NR2C2: variants seen among roughly 807,000 people sequenced by gnomAD.
NR2C2 encodes nuclear receptor subfamily 2 group C member 2.
In NR2C2, 6 loss-of-function variants were observed where a neutral mutation model predicts 62.9. The ratio of observed to expected loss-of-function variants is 0.10; its 90% CI spans 0.05 to 0.19. NR2C2 has a LOEUF of 0.19. NR2C2 is among the 10% of genes least tolerant of loss of function. NR2C2 has a pLI of 1.00. For synonymous variants in NR2C2, 272 were observed against 273.8 expected (o/e 0.99, Z 0.07); for missense variants, 479 against 762.7 (o/e 0.63, Z 4.38).
At chr3:14,974,292 G>A (rs2040138580) in intron 1 of NR2C2, among the ~76,000 whole-genome samples, 1 of 152,162 alleles carries the variant, frequency 6.6e-6, no homozygotes, top group South Asian at 2.1e-4. Context: ...GATTACTGTA[G>A]CTTTGTAGTA....
chr3:14,999,583 T>C (rs2040929617), intron 1 of NR2C2, among the ~76,000 whole-genome samples: 1 of 152,250 alleles, frequency 6.6e-6, no homozygotes, highest in Non-Finnish European at 1.5e-5. Context: ...AACAATCACC[T>C]AATTCAAGTT....
At chr3:14,975,615 C>A (rs566491286) in intron 1 of NR2C2, among the ~76,000 whole-genome samples, 1 of 152,204 alleles carries the variant, frequency 6.6e-6, no homozygotes, top group South Asian at 2.1e-4. Context: ...ATTCAGTTTG[C>A]TAGTATTTTG....
intron 2 of NR2C2, among the ~76,000 whole-genome samples, chr3:15,004,794 G>C (rs2041120738): frequency 6.6e-6 from 1 of 152,134 alleles, no homozygotes; most frequent in South Asian, 2.1e-4. Context: ...GTTGTTAGTT[G>C]CATATATGTT....
rs931556860 is a variant in NR2C2, at chr3:15,045,789, C to G, written c.*2781C>G. ...AACTTTGGGTTTCATGAAGTGAGAC[C>G]TGTCCTCTGGCTACTGAACTCCATG... On this transcript the variant is annotated 3_prime_UTR_variant, in exon 14 of 14. Transcript: ENST00000425241. 3.9e-5 allele frequency: 6 copies of G among 152,598 alleles called. No individual in the cohort carries two copies. The highest frequency in any genetic ancestry group is 7.3e-5 in the Non-Finnish European group (5 of 68,046). 9.5% of individuals were successfully genotyped at this position (152,598 alleles called of 1,614,324 possible).
chr3:15,000,736 C>T (rs970347289), intron 1 of NR2C2, among the ~76,000 whole-genome samples: 1 of 151,362 alleles, frequency 6.6e-6, no homozygotes, highest in African/African-American at 2.4e-5. Flanking sequence ...ATAGGGATTA[C>T]ATTGAATCTT....
rs1169928228 is a variant in NR2C2 at position 15,049,220 on chromosome 3, T to TTAATACTACTACC, written c.*6216_*6228dup. 16 of 152,702 alleles carry TTAATACTACTACC rather than the reference T, an allele frequency of 1.0e-4. No homozygotes were observed. The highest frequency in any genetic ancestry group is 1.4e-4 in the African/African-American group (6 of 41,470). 9.5% of individuals were successfully genotyped at this position (152,702 alleles called of 1,614,324 possible). ...TTCAATGTGGCATTATTGTTGTGGC[T>TTAATACTACTACC]TAATACTACTACCTAAATGAGGTTT... On this transcript the variant is annotated 3_prime_UTR_variant, in exon 14 of 14. Transcript: ENST00000425241.
intron 3 of NR2C2, among the ~76,000 whole-genome samples, 166 bp downstream of exon 3, chr3:15,013,955 A>T (rs548278306): frequency 1.3e-5 from 2 of 152,336 alleles, no homozygotes; most frequent in African/African-American, 4.8e-5. Context: ...CCAGCAATCC[A>T]GTGGCAAGGC....
chr3:15,015,414 T>C (rs564023259), intron 3 of NR2C2, among the ~76,000 whole-genome samples: 4 of 152,370 alleles, frequency 2.6e-5, no homozygotes, highest in African/African-American at 9.6e-5. Context: ...GTTCTCGTCA[T>C]CAGCTCACCA....
intron 1 of NR2C2, among the ~76,000 whole-genome samples, chr3:14,953,925 A>G (rs951435867): frequency 1.3e-5 from 2 of 150,468 alleles, no homozygotes; most frequent in African/African-American, 4.9e-5. Context: ...CTGAGGCTGG[A>G]TGGCTCTTGA....
At chr3:14,974,569 G>A (rs573790206) in intron 1 of NR2C2, among the ~76,000 whole-genome samples, 1 of 148,216 alleles carries the variant, frequency 6.7e-6, no homozygotes, top group South Asian at 2.1e-4. Context: ...TTTCCATGGT[G>A]TTTTATAGTT....
At chr3:15,037,605 A>C (rs1466869178) in intron 11 of NR2C2, among the ~76,000 whole-genome samples, 1 of 152,222 alleles carries the variant, frequency 6.6e-6, no homozygotes, top group African/African-American at 2.4e-5. Flanking sequence ...ACAACTAAAA[A>C]TTACCAGCAT....
intron 1 of NR2C2, among the ~76,000 whole-genome samples, chr3:14,991,642 A>G (rs1412849570): frequency 6.6e-6 from 1 of 151,954 alleles, no homozygotes; most frequent in African/African-American, 2.4e-5. Context: ...ACCCATGAGA[A>G]TTTTTGTAGC....
intron 1 of NR2C2, among the ~76,000 whole-genome samples, chr3:14,984,712 C>G (rs965525537): frequency 6.6e-6 from 1 of 152,118 alleles, no homozygotes; most frequent in Non-Finnish European, 1.5e-5. Flanking sequence ...TGGGTTACTT[C>G]CAGTTTTTGA....
At chr3:14,979,658 A>G (rs1195567678) in intron 1 of NR2C2, among the ~76,000 whole-genome samples, 1 of 152,008 alleles carries the variant, frequency 6.6e-6, no homozygotes, top group East Asian at 1.9e-4. Context: ...GAGGTGGGGA[A>G]CACTCCAGAC....
At chr3:14,978,748 C>T (rs555018620) in intron 1 of NR2C2, among the ~76,000 whole-genome samples, 14 of 152,232 alleles carry the variant, frequency 9.2e-5, no homozygotes, top group African/African-American at 2.2e-4. Flanking sequence ...CTGTGAAAAC[C>T]GAAGAACAGG....
chr3:15,002,985 AC>A (rs1390082073), intron 1 of NR2C2, among the ~76,000 whole-genome samples: 8 of 131,720 alleles, frequency 6.1e-5, no homozygotes, highest in African/African-American at 2.3e-4. Flanking sequence ...TTTTTCTGTC[AC>A]CCAGGCTGGA....
rs770216385 is a variant in NR2C2 at position 15,030,347 on chromosome 3, A to G, written c.1005A>G (p.Ile335Met). ...CTTCTCCAAGCTTGGCAGATGGGAT[A>G]GACACCAGTGGAGGAGGGAGCATCC... ...SSSSPSLADG[I>M]DTSGGGSIHV... The change falls in exon 9 of 14, where the codon ATA becomes ATG. Residue 335 changes from isoleucine (I) to methionine (M), a missense_variant. Coordinates refer to ENST00000425241, the MANE Select transcript of NR2C2 (RefSeq NM_001291694.2). 3.7e-6 allele frequency: 6 copies of G among 1,613,536 alleles called. No homozygotes were observed. The African/African-American group carries it at 8.0e-5, about 22-fold the overall frequency.
chr3:15,040,190 A>C (rs569290024), intron 13 of NR2C2, among the ~76,000 whole-genome samples: 5 of 151,886 alleles, frequency 3.3e-5, no homozygotes, highest in East Asian at 1.9e-4. Context: ...ACAAAAAAAA[A>C]CCCTTTCTCG....
intron 1 of NR2C2, chr3:14,962,633 T>C (rs1164907925): frequency 1.3e-5 from 2 of 150,930 alleles, no homozygotes; most frequent in African/African-American, 4.9e-5. Flanking sequence ...GAGAAAAAAA[T>C]GACAAGAACA....
Sources: gnomAD v4.1 joint callset for allele counts (sites outside exome capture counted in the v4.1 genomes callset) on GRCh38, gnomAD v4.1.1 for gene constraint, MANE v1.5 for transcripts, NCBI Gene and HGNC (gene_info 2026-07-23, HGNC 2026-07-21) for gene names.